SEC14L5: variants seen among roughly 807,000 people sequenced by gnomAD.
SEC14L5 encodes the protein SEC14-like protein 5.
SEC14L5 carries 96 observed loss-of-function variants against 84.6 expected under a neutral mutation model. That is an observed-to-expected ratio of 1.13 (90% CI 0.96 to 1.34). The LOEUF is 1.34. Among genes scored for constraint, SEC14L5 ranks in the 40% most tolerant of loss-of-function variants. The pLI is 0.00. For missense variants in SEC14L5, 1,224 were observed against 942.5 expected (o/e 1.30, Z -3.91); for synonymous variants, 546 against 383.4 (o/e 1.42, Z -4.95).
chr16:4,992,029 C>T lies in SEC14L5; in HGVS notation c.666C>T (p.Asp222=), dbSNP rs200783407. 7.9e-5 allele frequency: 124 copies of T among 1,560,034 alleles called. No individual in the cohort carries two copies. The highest frequency in any genetic ancestry group is 7.5e-5 in the Admixed American group (4 of 53,614). Reference sequence around the variant, plus strand: ...CCGCTCTGGAGGCGGTCAGTATGGACGGTAGGTGGTACAGCCCAGGCCAGT... The same window carrying T: ...CCGCTCTGGAGGCGGTCAGTATGGATGGTAGGTGGTACAGCCCAGGCCAGT... ...LGPALEAVSM[D]GDKLDADYIE... The change falls in exon 6 of 16, where the codon GAC becomes GAT. Residue 222 remains aspartate, a splice_region_variant and synonymous_variant. Coordinates refer to ENST00000251170, the MANE Select transcript of SEC14L5 (RefSeq NM_014692.2).
At position 4,990,910 on chromosome 16, in the gene SEC14L5, G is replaced by C. The variant is rs768089449; in HGVS notation, c.474+15G>C. ...ACGTCAAGAGGGTAAGCGGTGGGTT[G>C]CGTTAGTTACTGGAGGAAGGTGCAC... On this transcript the variant is annotated intron_variant, in intron 5 of 15. Coordinates refer to ENST00000251170, the MANE Select transcript of SEC14L5 (RefSeq NM_014692.2). The C allele has an allele frequency of 4.5e-6, 7 of 1,555,416 alleles. No homozygotes were observed.
intron 14 of SEC14L5, among the ~76,000 whole-genome samples, chr16:5,009,730 A>T (rs1385296420): frequency 6.6e-6 from 1 of 152,120 alleles, no homozygotes; most frequent in Non-Finnish European, 1.5e-5. Flanking sequence ...CCACTGCATT[A>T]ACTCAAGCAG....
In SEC14L5 at chr16:4,980,279, G is replaced by C. The variant is rs1463508749; in HGVS notation, c.64-7278G>C. ...CTGGGATGGACGCCTTCCAGACGGA[G>C]CCTCAGCTCGAATGTCCCCCCGAAA... On this transcript the variant is annotated intron_variant, in intron 2 of 15. Coordinates refer to ENST00000251170, the MANE Select transcript of SEC14L5 (RefSeq NM_014692.2). Among the ~76,000 whole-genome samples, 3 of 152,208 alleles carry C rather than the reference G, an allele frequency of 2.0e-5. No homozygotes were observed. The East Asian group carries it at 5.8e-4, about 29-fold the overall frequency.
At chr16:5,013,039 A>C (rs892594016) in intron 15 of SEC14L5, among the ~76,000 whole-genome samples, 7 of 152,142 alleles carry the variant, frequency 4.6e-5, no homozygotes, top group African/African-American at 1.4e-4. Context: ...GGAGAGAGAG[A>C]GAGCAGAGGA....
chr16:5,003,341 G>C, intron 10 of SEC14L5, 61 bp from the exon 11 acceptor site: 10 of 1,313,920 alleles, frequency 7.6e-6, no homozygotes, highest in Non-Finnish European at 1.1e-5. Context: ...CCTGTGGGGA[G>C]GGTGTTGGTG....
intron 4 of SEC14L5, among the ~76,000 whole-genome samples, chr16:4,990,011 T>A (rs1955535653): frequency 6.6e-6 from 1 of 151,946 alleles, no homozygotes; most frequent in Non-Finnish European, 1.5e-5. Flanking sequence ...CTATAAATGT[T>A]TATTGATATA....
In SEC14L5 at chr16:5,001,500, C is replaced by G. The variant is rs185454834; in HGVS notation, c.1130+575C>G. ...GGTCTCGGTCTCCTGACCTCGTGAT[C>G]CGCCTGCCTCGGCCTCCCAAAGTGC... is the stretch of plus-strand genomic sequence containing the variant. On this transcript the variant is annotated intron_variant, in intron 10 of 15. Coordinates refer to ENST00000251170, the MANE Select transcript of SEC14L5 (RefSeq NM_014692.2). Among the ~76,000 whole-genome samples, 160 of 152,278 alleles carry G rather than the reference C, an allele frequency of 1.1e-3. 1 individual carries two copies. The highest frequency in any genetic ancestry group is 3.5e-3 in the African/African-American group (145 of 41,572).
chr16:4,961,267 C>T (rs563806212), intron 2 of SEC14L5, among the ~76,000 whole-genome samples: 1 of 151,776 alleles, frequency 6.6e-6, no homozygotes, highest in African/African-American at 2.4e-5. Context: ...AGCGAGACTC[C>T]GTCTCAACAA....
chr16:5,001,349 T>G (rs917408760), intron 10 of SEC14L5, among the ~76,000 whole-genome samples: 2 of 151,324 alleles, frequency 1.3e-5, no homozygotes, highest in Non-Finnish European at 3.0e-5. Context: ...AGCTCTGCCT[T>G]CCGGGTTCAA....
intron 2 of SEC14L5, 120 bp downstream of exon 2, chr16:4,959,506 C>G (rs1221423494): frequency 2.4e-6 from 2 of 845,008 alleles, no homozygotes; most frequent in East Asian, 5.1e-5. Context: ...GTGAGTTACT[C>G]AGCTGACCTG....
At position 4,997,012 on chromosome 16, in the gene SEC14L5, T is replaced by A; in HGVS notation, c.938T>A (p.Phe313Tyr). Residue 313 changes from phenylalanine (F) to tyrosine (Y), a missense_variant, in exon 8 of 16, where the codon TTC becomes TAC. Phe to Tyr is a conservative substitution (Grantham distance 22). Transcript: ENST00000251170. ...TWQPPALLEE[F>Y]YAGGWHYQDI... ...CAACCCCCTGCCCTGCTGGAGGAGTTCTATGCAGGGGGCTGGCATTACCAG... is the reference window on the plus strand; with the variant it reads ...CAACCCCCTGCCCTGCTGGAGGAGTACTATGCAGGGGGCTGGCATTACCAG... The A allele has an allele frequency of 6.2e-7, 1 of 1,613,022 alleles. No homozygotes were observed. Among genetic ancestry groups the A allele is most frequent in the Non-Finnish European group, 8.5e-7 (1 of 1,179,476 alleles).
Position 4,990,873 on chromosome 16 carries a change from A to T in SEC14L5, c.452A>T (p.Gln151Leu), listed in dbSNP as rs1228107399. ...GCCTTGGAGAAGATCGCCATGAAGC[A>T]GTACACCGCCAACGTCAAGAGGGTA... ...ENALEKIAMK[Q>L]YTANVKRGKE... Residue 151 changes from glutamine (Q) to leucine (L), a missense_variant, in exon 5 of 16, where the codon CAG becomes CTG. Gln to Leu is a moderately radical substitution (Grantham distance 113). Transcript: ENST00000251170. The T allele has an allele frequency of 6.2e-7, 1 of 1,606,802 alleles. No homozygotes were observed. The highest frequency in any genetic ancestry group is 1.3e-5 in the African/African-American group (1 of 74,602).
chr16:4,985,120 A>G (rs1328887824), intron 2 of SEC14L5, among the ~76,000 whole-genome samples: 1 of 152,208 alleles, frequency 6.6e-6, no homozygotes, highest in Non-Finnish European at 1.5e-5. Context: ...TGCCATAAGT[A>G]AAAAACCATT....
At chr16:4,969,049 A>G (rs1170119576) in intron 2 of SEC14L5, among the ~76,000 whole-genome samples, 1 of 152,248 alleles carries the variant, frequency 6.6e-6, no homozygotes, top group African/African-American at 2.4e-5. Flanking sequence ...TATTTAAATG[A>G]GTTTAAATTA....
intron 10 of SEC14L5, among the ~76,000 whole-genome samples, chr16:5,001,262 T>C (rs998099714): frequency 6.0e-5 from 9 of 150,536 alleles, no homozygotes; most frequent in Admixed American, 2.6e-4. Flanking sequence ...TTTTTTTTTT[T>C]TTTTTTTCTT....
chr16:5,009,900 G>T (rs974215415), intron 14 of SEC14L5, among the ~76,000 whole-genome samples: 1 of 152,028 alleles, frequency 6.6e-6, no homozygotes, highest in Non-Finnish European at 1.5e-5. Context: ...AATTGAAGCC[G>T]CAGGGAGAAG....
intron 2 of SEC14L5, among the ~76,000 whole-genome samples, chr16:4,969,600 T>G (rs1008787265): frequency 6.6e-6 from 1 of 151,536 alleles, no homozygotes; most frequent in African/African-American, 2.5e-5. Context: ...GTCAGGCTGG[T>G]CTTGAACTCC....
chr16:4,985,463 G>A (rs994179952), intron 2 of SEC14L5, among the ~76,000 whole-genome samples: 3 of 152,026 alleles, frequency 2.0e-5, no homozygotes, highest in South Asian at 2.1e-4. Flanking sequence ...CCTGACCTTC[G>A]GTGATCCACC....
At position 4,959,434 on chromosome 16, in the gene SEC14L5, T is replaced by C. The variant is rs754039099; in HGVS notation, c.63+48T>C. On this transcript the variant is annotated intron_variant, in intron 2 of 15. Coordinates refer to ENST00000251170, the MANE Select transcript of SEC14L5 (RefSeq NM_014692.2). ...GCCCCCATGTGACAGTTGGAGGGGC[T>C]TGAGATCAGCTATGGCGGTAGGAAG... 8.1e-6 allele frequency: 12 copies of C among 1,481,980 alleles called. No individual in the cohort carries two copies. In the East Asian group the frequency reaches 2.7e-4, roughly 33 times the overall value. The allele number at this position is 1,481,980 out of a possible 1,614,324, so 91.8% of individuals were successfully genotyped here.
Sources: allele counts gnomAD v4.1 joint callset (sites outside exome capture counted in the v4.1 genomes callset), GRCh38; gene constraint gnomAD v4.1.1; transcripts MANE v1.5; gene names NCBI Gene and HGNC (gene_info 2026-07-23, HGNC 2026-07-21).